Variants in ZNF18 observed in about 807,000 individuals in gnomAD.
ZNF18 encodes the protein heart development-specific gene 1 protein.
In ZNF18, 42 loss-of-function variants were observed where a neutral mutation model predicts 58.1. That is an observed-to-expected ratio of 0.72 (90% CI 0.56 to 0.93). The LOEUF is 0.93. Ranked by LOEUF, ZNF18 falls within the 40% of genes least tolerant of loss-of-function variation. ZNF18 has a pLI of 0.00. For missense variants in ZNF18, 540 were observed against 644.2 expected, an observed-to-expected ratio of 0.84 and a Z score of 1.75; for synonymous variants, 231 against 239.8, an observed-to-expected ratio of 0.96 and a Z score of 0.34.
chr17:11,998,347 GT>G (rs927221309), upstream of ZNF18: 9 of 152,316 alleles, frequency 5.9e-5, no homozygotes, highest in African/African-American at 1.9e-4. Flanking sequence ...TCATGTCAAA[GT>G]TTGGGTGTTC....
At chr17:11,984,521 T>G (rs1376546666) in intron 4 of ZNF18, among the ~76,000 whole-genome samples, 1 of 151,688 alleles carries the variant, frequency 6.6e-6, no homozygotes, top group Non-Finnish European at 1.5e-5. Flanking sequence ...ATTTGGGTTT[T>G]TTTTTTTTTT....
the ZNF18 span, chr17:12,020,831 G>A: frequency 1.2e-6 from 1 of 828,324 alleles, no homozygotes; most frequent in Non-Finnish European, 1.6e-6. Context: ...CGTGCGAGAG[G>A]CCGAGCTTGC....
intron 5 of ZNF18, 125 bp downstream of exon 5, chr17:11,983,988 G>T: frequency 1.3e-6 from 1 of 769,804 alleles, no homozygotes. Context: ...TCCCAACTGT[G>T]TCCCTAACGA....
the ZNF18 span, among the ~76,000 whole-genome samples, chr17:12,011,753 T>G: frequency 7.2e-6 from 1 of 138,540 alleles, no homozygotes; most frequent in African/African-American, 2.7e-5. Context: ...CAGGCTGGAG[T>G]GCAGTGGCAC....
At chr17:11,990,007 T>C (rs1394654722) in intron 4 of ZNF18, among the ~76,000 whole-genome samples, 1 of 152,074 alleles carries the variant, frequency 6.6e-6, no homozygotes, top group Non-Finnish European at 1.5e-5. Flanking sequence ...ATTATACACA[T>C]TCCACAGGTA....
At chr17:11,999,204 A>G (rs577486356), upstream of ZNF18, among the ~76,000 whole-genome samples, 8 of 152,342 alleles carry the variant, frequency 5.3e-5, no homozygotes, top group South Asian at 1.7e-3. Context: ...CCCAAGGAAG[A>G]TAACAGTAAT....
chr17:11,989,621 C>A (rs74357437), intron 4 of ZNF18, among the ~76,000 whole-genome samples: 1,547 of 152,184 alleles, frequency 0.01, 28 homozygotes, highest in African/African-American at 0.035. Flanking sequence ...AGATTAGATG[C>A]TGTGAGATGA....
intron 4 of ZNF18, among the ~76,000 whole-genome samples, chr17:11,984,541 T>C (rs2151475435): frequency 6.6e-6 from 1 of 151,204 alleles, no homozygotes; most frequent in African/African-American, 2.4e-5. Context: ...TTAGATGGAA[T>C]CTCACTCTGT....
At chr17:11,985,424 T>C (rs1415186332) in intron 4 of ZNF18, among the ~76,000 whole-genome samples, 1 of 152,222 alleles carries the variant, frequency 6.6e-6, no homozygotes. Context: ...TTCCAGAGTT[T>C]CAGGCCTCAC....
At position 11,990,528 on chromosome 17, in the gene ZNF18, G is replaced by A. The variant is rs1371293502; in HGVS notation, c.600C>T (p.Ala200=). ...AELALAASQP[A]RLEERLIRDQ... is the part of the protein sequence containing the mutation. ...CTCTGATCAGCCTTTCCTCCAGTCG[G>A]GCAGGCTGGGAGGCAGCCAGGGCTG... Residue 200 remains alanine (A), a synonymous_variant, in exon 4 of 7, where the codon GCC becomes GCT. Coordinates refer to ENST00000580306, the MANE Select transcript of ZNF18 (RefSeq NM_001303281.2). The A allele has an allele frequency of 1.3e-5, 21 of 1,611,098 alleles. No individual in the cohort carries two copies. The highest frequency in any genetic ancestry group is 1.8e-5 in the Non-Finnish European group (21 of 1,179,268).
In ZNF18 at chr17:11,984,149, G is replaced by T. The variant is rs763461287; in HGVS notation, c.715C>A (p.Leu239Ile). Residue 239 changes from leucine to isoleucine, a missense_variant, in exon 5 of 7, where the codon CTC (leucine) becomes ATC (isoleucine). By Grantham distance (5) the Leu-to-Ile change is conservative (BLOSUM62 2). Coordinates refer to ENST00000580306, the MANE Select transcript of ZNF18 (RefSeq NM_001303281.2). ...ATTTTCCCATAGGTCTCCAGCATGA[G>T]ATCCCAGTATTGCTCCTTTTGAGTG... is the stretch of plus-strand genomic sequence containing the variant. ...DSTQKEQYWDLMLETYGKMVS... is the reference protein window; with the variant it reads ...DSTQKEQYWDIMLETYGKMVS... 3.7e-6 allele frequency: 6 copies of T among 1,610,822 alleles called. No individual in the cohort carries two copies. Among genetic ancestry groups the T allele is most frequent in the Non-Finnish European group, 5.1e-6 (6 of 1,179,218 alleles).
intron 5 of ZNF18, 61 bp from the exon 6 acceptor site, chr17:11,983,468 G>GT (rs1298275492): frequency 7.3e-7 from 1 of 1,378,736 alleles, no homozygotes; most frequent in Non-Finnish European, 1.0e-6. Context: ...AGCTCAAGCT[G>GT]TGTCTTTCAA....
intron 4 of ZNF18, among the ~76,000 whole-genome samples, chr17:11,989,542 C>G (rs1183230046): frequency 6.6e-6 from 1 of 151,914 alleles, no homozygotes; most frequent in Non-Finnish European, 1.5e-5. Flanking sequence ...TACAATAAAG[C>G]CCCAAATCAA....
intron 6 of ZNF18, among the ~76,000 whole-genome samples, chr17:11,982,362 GT>G (rs926475280): frequency 2.0e-5 from 3 of 150,910 alleles, no homozygotes; most frequent in East Asian, 1.9e-4. Flanking sequence ...ATCTTATTGT[GT>G]TTTTTTTTAA....
chr17:11,992,893 C>T lies in ZNF18; in HGVS notation c.-64G>A. ...GCAGTGGAATTGTCTCCGGCAAGAA[C>T]TAGGTCTTCACCAGGACACTAAAAA... On this transcript the variant is annotated 5_prime_UTR_variant, in exon 2 of 7. Coordinates refer to ENST00000580306, the MANE Select transcript of ZNF18 (RefSeq NM_001303281.2). The T allele has an allele frequency of 6.5e-7, 1 of 1,536,556 alleles. No homozygotes were observed. The highest frequency in any genetic ancestry group is 8.7e-7 in the Non-Finnish European group (1 of 1,144,738).
At chr17:11,984,075 C>T in intron 5 of ZNF18, 38 bp downstream of exon 5, 1 of 1,569,984 alleles carries the variant, frequency 6.4e-7, no homozygotes, top group Middle Eastern at 1.8e-4. Context: ...TTTTCCAGTC[C>T]TTCTACCTCC....
At chr17:12,005,005 T>C in the ZNF18 span, among the ~76,000 whole-genome samples, 1 of 151,310 alleles carries the variant, frequency 6.6e-6, no homozygotes, top group African/African-American at 2.4e-5. Flanking sequence ...GTAAATTAGA[T>C]TTTAAATGTT....
intron 1 of ZNF18, among the ~76,000 whole-genome samples, chr17:11,995,286 G>A (rs571062657): frequency 1.5e-3 from 227 of 150,778 alleles, no homozygotes; most frequent in African/African-American, 4.9e-3. Flanking sequence ...GTGAATGCCT[G>A]TAATCCCAGC....
chr17:11,978,561 T>C lies in ZNF18; in HGVS notation c.1046A>G (p.Asn349Ser), dbSNP rs764220391. Reference protein sequence around the residue: ...EGENLPEALQNIQDEGTGEQL... With the variant: ...EGENLPEALQSIQDEGTGEQL... Reference sequence around the variant, plus strand: ...TTCCCCTGTTCCCTCATCCTGAATGTTTTGCAGAGCCTCAGGGAGATTCTC... The same window carrying C: ...TTCCCCTGTTCCCTCATCCTGAATGCTTTGCAGAGCCTCAGGGAGATTCTC... Residue 349 changes from asparagine to serine, a missense_variant, in exon 7 of 7, where the codon AAC (asparagine) becomes AGC (serine). Transcript: ENST00000580306. 4.3e-6 allele frequency: 7 copies of C among 1,613,694 alleles called. No individual in the cohort carries two copies. The highest frequency in any genetic ancestry group is 1.7e-4 in the Middle Eastern group (1 of 6,046).
Sources: allele counts gnomAD v4.1 joint callset (sites outside exome capture counted in the v4.1 genomes callset), GRCh38; gene constraint gnomAD v4.1.1; transcripts MANE v1.5; gene names NCBI Gene and HGNC (gene_info 2026-07-23, HGNC 2026-07-21).